KDM4B: variants seen among roughly 807,000 people sequenced by gnomAD.
The protein encoded by KDM4B is lysine-specific demethylase 4B.
Under a neutral mutation model 125.2 loss-of-function variants are expected in KDM4B, and 32 were observed. The observed-to-expected ratio is 0.26, with a 90% CI of 0.19 to 0.34. The LOEUF is 0.34. KDM4B is among the 10% of genes least tolerant of loss of function. The pLI is 1.00. For missense variants in KDM4B, 1,190 were observed against 1,577.7 expected (o/e 0.75, Z 4.16); for synonymous variants, 721 against 677.9 (o/e 1.06, Z -0.99).
intron 6 of KDM4B, among the ~76,000 whole-genome samples, chr19:5,062,251 G>A (rs2037625362): frequency 6.6e-6 from 1 of 152,258 alleles, no homozygotes; most frequent in Non-Finnish European, 1.5e-5. Context: ...CTGGCCTGTG[G>A]ATCCACTCCC....
At chr19:5,147,719 G>A (rs1378321567) in intron 21 of KDM4B, among the ~76,000 whole-genome samples, 2 of 149,590 alleles carry the variant, frequency 1.3e-5, no homozygotes, top group Non-Finnish European at 3.0e-5. Context: ...CTCCAACCCG[G>A]GTGATGAAAC....
At chr19:4,980,808 C>A (rs1478189285) in intron 1 of KDM4B, among the ~76,000 whole-genome samples, 1 of 152,002 alleles carries the variant, frequency 6.6e-6, no homozygotes. Flanking sequence ...TCTCAGTGGG[C>A]ATTTAAGTTG....
rs779361011 is a variant in KDM4B at position 5,115,336 on chromosome 19, G to A, written c.1116-4317G>A. ...GGGTGGCTCTGGGCAGAAGGGAGGC[G>A]CCTTCCTGGGGTCAGCAGTGGGGCC... is the stretch of plus-strand genomic sequence containing the variant. On this transcript the variant is annotated intron_variant, in intron 10 of 22. Transcript: ENST00000159111. The surrounding 1 kb of genome is among the most constrained non-coding windows in gnomAD (Gnocchi z 4.2). Among the ~76,000 whole-genome samples, 12 of 152,086 alleles carry A rather than the reference G, an allele frequency of 7.9e-5. No individual in the cohort carries two copies. The highest frequency in any genetic ancestry group is 1.6e-4 in the Non-Finnish European group (11 of 68,006).
chr19:4,998,090 C>T (rs758838766), intron 1 of KDM4B, among the ~76,000 whole-genome samples: 1 of 152,242 alleles, frequency 6.6e-6, no homozygotes, highest in South Asian at 2.1e-4. Context: ...TGGGTGGGAG[C>T]CTGCTTGGGG....
At chr19:5,051,099 C>T (rs576377709) in intron 6 of KDM4B, among the ~76,000 whole-genome samples, 48 of 152,194 alleles carry the variant, frequency 3.2e-4, no homozygotes, top group East Asian at 7.8e-4. Context: ...GGCGTCGCCA[C>T]GAGGCTGAGC....
intron 1 of KDM4B, among the ~76,000 whole-genome samples, chr19:5,011,707 G>A (rs1028550970): frequency 4.6e-5 from 7 of 152,372 alleles, no homozygotes; most frequent in Middle Eastern, 3.4e-3. Context: ...GCTCAGACCC[G>A]GGAAAGAGGT....
chr19:5,127,880 G>A (rs535410569), intron 11 of KDM4B, among the ~76,000 whole-genome samples: 204 of 152,298 alleles, frequency 1.3e-3, no homozygotes, highest in African/African-American at 4.5e-3. Context: ...AGGAGGCCCC[G>A]TTGGTCGGGG....
At chr19:5,003,728 G>C (rs2035464421) in intron 1 of KDM4B, among the ~76,000 whole-genome samples, 1 of 152,126 alleles carries the variant, frequency 6.6e-6, no homozygotes, top group South Asian at 2.1e-4. Context: ...AGAATCGCTT[G>C]AACCCGGGAG....
intron 1 of KDM4B, among the ~76,000 whole-genome samples, chr19:5,016,020 G>A (rs993671791): frequency 6.6e-6 from 1 of 152,204 alleles, no homozygotes; most frequent in Admixed American, 6.5e-5. Context: ...TACTCCCGCT[G>A]CCTTGGCCCG....
At position 5,151,533 on chromosome 19, in the gene KDM4B, C is replaced by A; in HGVS notation, c.*22C>A. ...CTAGGACAGCTGGCCGCTCAGGCGA[C>A]CCTCAGCCCGGCGGGGAGGCCATGG... On this transcript the variant is annotated 3_prime_UTR_variant, in exon 23 of 23. Transcript: ENST00000159111. 7.5e-7 allele frequency: 1 copy of A among 1,335,288 alleles called. No homozygotes were observed. Among genetic ancestry groups the A allele is most frequent in the Non-Finnish European group, 9.6e-7 (1 of 1,038,446 alleles). The allele number at this position is 1,335,288 out of a possible 1,614,324, so 82.7% of individuals were successfully genotyped here.
intron 7 of KDM4B, among the ~76,000 whole-genome samples, chr19:5,073,065 A>G (rs2037998142): frequency 1.3e-5 from 2 of 152,086 alleles, no homozygotes; most frequent in Admixed American, 1.3e-4. Context: ...ACATCGGATC[A>G]CCCGGATAGC....
chr19:5,121,636 A>G (rs2039363985), intron 11 of KDM4B, among the ~76,000 whole-genome samples: 1 of 152,184 alleles, frequency 6.6e-6, no homozygotes, highest in African/African-American at 2.4e-5. Flanking sequence ...CCTAACCAAA[A>G]AAATGATCTT....
intron 1 of KDM4B, among the ~76,000 whole-genome samples, chr19:5,010,899 C>A (rs577381432): frequency 6.6e-6 from 1 of 152,222 alleles, no homozygotes; most frequent in African/African-American, 2.4e-5. Context: ...CCACCTGCCT[C>A]GGCCTCCCAA....
chr19:5,010,216 G>A (rs1340631614), intron 1 of KDM4B, among the ~76,000 whole-genome samples: 1 of 152,182 alleles, frequency 6.6e-6, no homozygotes, highest in East Asian at 1.9e-4. Flanking sequence ...CAGATGTTTT[G>A]TAGAAGGAAC....
Position 5,033,045 on chromosome 19 carries a change from T to C in KDM4B, c.141+14T>C. On this transcript the variant is annotated intron_variant, in intron 3 of 22. Transcript: ENST00000159111. ...GGCCTGGCCAAGGTGGGTGACATCCTGGCCCCAGCGCGGCCCTCCATCAGC... is the reference window on the plus strand; with the variant it reads ...GGCCTGGCCAAGGTGGGTGACATCCCGGCCCCAGCGCGGCCCTCCATCAGC... The C allele has an allele frequency of 6.2e-7, 1 of 1,611,778 alleles. No individual in the cohort carries two copies. The highest frequency in any genetic ancestry group is 8.5e-7 in the Non-Finnish European group (1 of 1,179,028).
In KDM4B at chr19:5,119,641, C is replaced by T; in HGVS notation, c.1116-12C>T. ...TGGTCTCCCCTCCTGCCTGATAAAC[C>T]TCCCTCTCCAGGTCTCACCGGAAAC... On this transcript the variant is annotated splice_polypyrimidine_tract_variant and intron_variant, in intron 10 of 22. Transcript: ENST00000159111. 1 of 1,552,718 alleles carries T rather than the reference C, an allele frequency of 6.4e-7. No individual in the cohort carries two copies. The highest frequency in any genetic ancestry group is 8.7e-7 in the Non-Finnish European group (1 of 1,147,736).
In KDM4B at chr19:4,991,155, G is replaced by A. The variant is rs73538580; in HGVS notation, c.-109+21925G>A. ...AGCAAAAAATAAAAATAAAAACACT[G>A]TTATGGAGAATTTGACTACACAGAA... On this transcript the variant is annotated intron_variant, in intron 1 of 22. Coordinates refer to ENST00000159111, the MANE Select transcript of KDM4B (RefSeq NM_015015.3). Among the ~76,000 whole-genome samples, 654 of 152,028 alleles carry A rather than the reference G, an allele frequency of 4.3e-3. 6 individuals are homozygous for A. The highest frequency in any genetic ancestry group is 0.015 in the African/African-American group (628 of 41,484).
chr19:4,993,674 G>A (rs1001429578), intron 1 of KDM4B, among the ~76,000 whole-genome samples: 3 of 151,616 alleles, frequency 2.0e-5, no homozygotes, highest in Non-Finnish European at 2.9e-5. Flanking sequence ...GCAGTGTTGC[G>A]ATCATGGCTC....
intron 2 of KDM4B, among the ~76,000 whole-genome samples, chr19:5,021,946 T>G (rs961792984): frequency 6.6e-6 from 1 of 152,182 alleles, no homozygotes; most frequent in African/African-American, 2.4e-5. Context: ...ATTTTTAATT[T>G]AAGAGACTTG....
Sources: allele counts gnomAD v4.1 joint callset (sites outside exome capture counted in the v4.1 genomes callset), GRCh38; gene constraint gnomAD v4.1.1; non-coding constraint Gnocchi (gnomAD v3.1); transcripts MANE v1.5; gene names NCBI Gene and HGNC (gene_info 2026-07-23, HGNC 2026-07-21).